The following DNAH11 variants were observed in gnomAD, a reference collection of about 807,000 sequenced individuals.
DNAH11 encodes dynein axonemal heavy chain 11.
Under a neutral mutation model 526.0 loss-of-function variants are expected in DNAH11, and 442 were observed. The ratio of observed to expected loss-of-function variants is 0.84; its 90% confidence interval spans 0.78 to 0.91. The LOEUF is 0.91. Among genes scored for constraint, DNAH11 ranks in the 40% least tolerant of loss-of-function variants. DNAH11 has a pLI of 0.00. For missense variants in DNAH11, 6,989 were observed against 5,448.7 expected, an observed-to-expected ratio of 1.28 and a Z score of -8.90; for synonymous variants, 2,461 against 1,935.9, an observed-to-expected ratio of 1.27 and a Z score of -7.12.
rs1044669432 is a variant in DNAH11 at position 21,633,976 on chromosome 7, T to G, written c.4501-1895T>G. On this transcript the variant is annotated intron_variant, in intron 25 of 81. Transcript: ENST00000409508. Reference sequence around the variant, plus strand: ...TTATGGGGGTAGTGAAAGATAGGCCTGGACAGATAGTCTGAGCACATGATA... The same window carrying G: ...TTATGGGGGTAGTGAAAGATAGGCCGGGACAGATAGTCTGAGCACATGATA... Among the ~76,000 whole-genome samples, 110 of 152,354 alleles carry G rather than the reference T, an allele frequency of 7.2e-4. 1 individual carries two copies. The highest frequency in any genetic ancestry group is 2.4e-3 in the African/African-American group (101 of 41,580).
Position 21,842,563 on chromosome 7 carries a change from A to G in DNAH11, c.10711A>G (p.Lys3571Glu). The G allele has an allele frequency of 6.2e-7, 1 of 1,613,900 alleles. No homozygotes were observed. The highest frequency in any genetic ancestry group is 1.1e-5 in the South Asian group (1 of 91,072). The change falls in exon 66 of 82, where the codon AAA becomes GAA. Residue 3571 changes from lysine to glutamate, a missense_variant. By Grantham distance (56) the Lys-to-Glu change is moderately conservative. Transcript: ENST00000409508. Reference protein sequence around the residue: ...KKGKYIRIGDKECEFNKNFRL... With the variant: ...KKGKYIRIGDEECEFNKNFRL... ...GTTTAGGTATATCAGGATTGGAGAT[A>G]AAGAATGTGAATTTAACAAGAACTT...
At chr7:21,676,487 T>G (rs971502043) in intron 30 of DNAH11, among the ~76,000 whole-genome samples, 2 of 152,184 alleles carry the variant, frequency 1.3e-5, no homozygotes, top group African/African-American at 2.4e-5. Context: ...TATATAACTG[T>G]GGGTACAGAA....
At chr7:21,811,978 G>A (rs933047199) in intron 63 of DNAH11, among the ~76,000 whole-genome samples, 1 of 152,164 alleles carries the variant, frequency 6.6e-6, no homozygotes, top group African/African-American at 2.4e-5. Flanking sequence ...ATCATGGGGG[G>A]TGGGGATGTG....
At chr7:21,732,774 C>A (rs1222067515) in intron 45 of DNAH11, among the ~76,000 whole-genome samples, 2 of 152,238 alleles carry the variant, frequency 1.3e-5, no homozygotes, top group African/African-American at 4.8e-5. Flanking sequence ...TTTAAGACAG[C>A]CATCCCTTTG....
rs1194394840 is a variant in DNAH11 at position 21,773,914 on chromosome 7, T to A, written c.9251T>A (p.Leu3084Gln). Residue 3084 changes from leucine (L) to glutamine (Q), a missense_variant, in exon 56 of 82, where the codon CTG (leucine) becomes CAG (glutamine). Leu to Gln is a moderately radical substitution (Grantham distance 113). Coordinates refer to ENST00000409508, the MANE Select transcript of DNAH11 (RefSeq NM_001277115.2). ...FLEQISLFKN[L>Q]LKKKQNEVSE... Reference sequence around the variant, plus strand: ...GAACAAATATCACTGTTTAAGAACCTGTTGAAGAAGAAGCAAAATGAGGTA... The same window carrying A: ...GAACAAATATCACTGTTTAAGAACCAGTTGAAGAAGAAGCAAAATGAGGTA... 3 of 1,600,006 alleles carry A rather than the reference T, an allele frequency of 1.9e-6. No homozygotes were observed. Among genetic ancestry groups the A allele is most frequent in the Middle Eastern group, 1.6e-4 (1 of 6,064 alleles).
chr7:21,707,645 C>T, intron 39 of DNAH11, 54 bp from the exon 40 acceptor site: 1 of 1,573,698 alleles, frequency 6.4e-7, no homozygotes, highest in Non-Finnish European at 8.6e-7. Flanking sequence ...CTTTTACTTT[C>T]CATTTGGCTT....
intron 68 of DNAH11, among the ~76,000 whole-genome samples, chr7:21,859,314 A>G (rs1054594672): frequency 6.6e-6 from 1 of 152,136 alleles, no homozygotes; most frequent in African/African-American, 2.4e-5. Flanking sequence ...GGGTTTCACC[A>G]TGTTGGCCAG....
At chr7:21,885,595 C>G (rs1366617672) in intron 76 of DNAH11, among the ~76,000 whole-genome samples, 1 of 151,974 alleles carries the variant, frequency 6.6e-6, no homozygotes, top group African/African-American at 2.4e-5. Flanking sequence ...CTAAAAATAG[C>G]TAGAAGAGAG....
intron 32 of DNAH11, among the ~76,000 whole-genome samples, chr7:21,685,895 T>C (rs977969457): frequency 2.6e-5 from 4 of 152,216 alleles, no homozygotes; most frequent in Admixed American, 2.6e-4. Flanking sequence ...CATACACCAT[T>C]GGTTGGAGTT....
rs368294823 is a variant in DNAH11, at chr7:21,588,102, T to A, written c.1749T>A (p.Val583=). The change falls in exon 10 of 82, where the codon GTT becomes GTA. Residue 583 remains valine, a synonymous_variant. Transcript: ENST00000409508. ...TIFGNFLEKP[V]VMEIFSLHYS... ...TTGGAAATTTTCTAGAGAAGCCAGT[T>A]GTCATGGAAATTTTCAGCCTACATT... 615 of 1,613,388 alleles carry A rather than the reference T, an allele frequency of 3.8e-4. 1 individual carries two copies. Among genetic ancestry groups the A allele is most frequent in the Non-Finnish European group, 5.1e-4 (597 of 1,179,708 alleles).
At chr7:21,772,046 T>A (rs1787459095) in intron 55 of DNAH11, among the ~76,000 whole-genome samples, 1 of 152,174 alleles carries the variant, frequency 6.6e-6, no homozygotes, top group African/African-American at 2.4e-5. Flanking sequence ...GGAAGACCAG[T>A]CATCAAAGAG....
chr7:21,680,198 A>G (rs1783081963), intron 30 of DNAH11, among the ~76,000 whole-genome samples: 1 of 152,200 alleles, frequency 6.6e-6, no homozygotes, highest in South Asian at 2.1e-4. Flanking sequence ...GGGGCATGAT[A>G]ATAGTACAGT....
intron 1 of DNAH11, among the ~76,000 whole-genome samples, chr7:21,544,493 C>A (rs1390567800): frequency 6.6e-6 from 1 of 152,052 alleles, no homozygotes; most frequent in Non-Finnish European, 1.5e-5. Context: ...TCTAGTATTA[C>A]CTAAGTTAAA....
chr7:21,840,842 A>C (rs1782178205), intron 65 of DNAH11, among the ~76,000 whole-genome samples: 1 of 152,230 alleles, frequency 6.6e-6, no homozygotes, highest in African/African-American at 2.4e-5. Flanking sequence ...AAGGATTTGC[A>C]GTTACAGGAA....
Position 21,801,147 on chromosome 7 carries a change from G to A in DNAH11, c.10037G>A (p.Arg3346Gln), listed in dbSNP as rs761713335. The A allele has an allele frequency of 9.3e-6, 15 of 1,608,520 alleles. No homozygotes were observed. The highest frequency in any genetic ancestry group is 1.7e-4 in the Middle Eastern group (1 of 6,054). ...TCAACTCTGATTCAGGATCTGGATC[G>A]AAATCTGAGCAGACTCACGGCTTCA... ...AIRKKLVDLD[R>Q]NLSRLTASFE... Residue 3346 changes from arginine (R) to glutamine (Q), a missense_variant, in exon 62 of 82, where the codon CGA (arginine) becomes CAA (glutamine). Physicochemically the swap from Arg to Gln is conservative, Grantham distance 43. Transcript: ENST00000409508.
rs2003417 is a variant in DNAH11 at position 21,738,811 on chromosome 7, T to C, written c.7756T>C (p.Tyr2586His). The change falls in exon 47 of 82, where the codon TAT becomes CAT. Residue 2586 changes from tyrosine (Y) to histidine (H), a missense_variant. Transcript: ENST00000409508. Reference protein sequence around the residue: ...DDMNMPEVDLYGTVQPHTLIR... With the variant: ...DDMNMPEVDLHGTVQPHTLIR... The stretch of plus-strand genomic sequence containing the variant: ...CATGAACATGCCTGAAGTGGACTTA[T>C]ATGGCACCGTTCAGCCTCACACCCT... 0.051 allele frequency: 81,563 copies of C among 1,604,626 alleles called. 2,372 individuals carry two copies. The highest frequency in any genetic ancestry group is 0.06 in the Non-Finnish European group (70,851 of 1,174,992).
rs1784823020 is a variant in DNAH11 at position 21,901,296 on chromosome 7, A to AGGATTTTCTAGCAT, written c.*44_*57dup. 1 of 1,555,316 alleles carries AGGATTTTCTAGCAT rather than the reference A, an allele frequency of 6.4e-7. No homozygotes were observed. On this transcript the variant is annotated 3_prime_UTR_variant, in exon 82 of 82. Coordinates refer to ENST00000409508, the MANE Select transcript of DNAH11 (RefSeq NM_001277115.2). ...CTCTAGCCTCTGCTGGAGTGCAGTG[A>AGGATTTTCTAGCAT]GGATTTTCTAGCATGTTGCTGCACT...
At chr7:21,799,499 G>A (rs528400234) in intron 61 of DNAH11, among the ~76,000 whole-genome samples, 26 of 152,050 alleles carry the variant, frequency 1.7e-4, no homozygotes, top group Admixed American at 1.2e-3. Context: ...CACCACGCCC[G>A]GCTAATTTTT....
chr7:21,571,503 C>T (rs1014990658), intron 7 of DNAH11, among the ~76,000 whole-genome samples: 1 of 152,116 alleles, frequency 6.6e-6, no homozygotes, highest in Non-Finnish European at 1.5e-5. Flanking sequence ...TGGTTTCAAA[C>T]TCCTGGGCAT....
Sources: gnomAD v4.1 joint callset for allele counts (sites outside exome capture counted in the v4.1 genomes callset) on GRCh38, gnomAD v4.1.1 for gene constraint, MANE v1.5 for transcripts, NCBI Gene and HGNC (gene_info 2026-07-23, HGNC 2026-07-21) for gene names.